The following PHLPP2 variants were observed in gnomAD, a reference collection of about 807,000 sequenced individuals.
PHLPP2 encodes PH domain and leucine rich repeat protein phosphatase 2, also known as PH domain leucine-rich repeat-containing protein phosphatase 2.
PHLPP2 carries 66 observed loss-of-function variants against 124.9 expected under a neutral mutation model. The ratio of observed to expected loss-of-function variants is 0.53; its 90% CI spans 0.43 to 0.65. PHLPP2 has a LOEUF of 0.65. Ranked by LOEUF, PHLPP2 falls within the 30% of genes least tolerant of loss-of-function variation. The pLI is 0.00. For synonymous variants in PHLPP2, 681 were observed against 624.7 expected (o/e 1.09, Z -1.34); for missense variants, 1,685 against 1,600.4 (o/e 1.05, Z -0.90).
At chr16:71,652,063 A>G (rs779731529) in intron 18 of PHLPP2, among the ~76,000 whole-genome samples, 4 of 152,240 alleles carry the variant, frequency 2.6e-5, no homozygotes, top group African/African-American at 9.6e-5. Context: ...AAGCTCTGCA[A>G]AAAAACACTG....
Position 71,681,902 on chromosome 16 carries a change from C to T in PHLPP2, c.739G>A (p.Val247Met), listed in dbSNP as rs936979462. The T allele has an allele frequency of 1.9e-6, 3 of 1,601,480 alleles. No individual in the cohort carries two copies. The highest frequency in any genetic ancestry group is 2.6e-6 in the Non-Finnish European group (3 of 1,173,580). The change falls in exon 6 of 19, where the codon GTG (valine) becomes ATG (methionine). Residue 247 changes from valine (V) to methionine (M), a missense_variant. Physicochemically the swap from Val to Met is conservative, Grantham distance 21. Coordinates refer to ENST00000568954, the MANE Select transcript of PHLPP2 (RefSeq NM_015020.3). ...QRWQRQASKV[V>M]SQRISTVDLS... ...TCCACGGTACTGATTCGCTGGGACA[C>T]CACCTGAATAATGTCAAAGAGAAGA...
Position 71,676,626 on chromosome 16 carries a change from A to T in PHLPP2, c.1292T>A (p.Val431Asp), listed in dbSNP as rs781148079. ...DLRMNHLKTM[V>D]IENLEGNKHI... ...TTTATTTCCCTCCAGATTTTCAATA[A>T]CCATGGTTTTCAAATGGTTCATCCT... Residue 431 changes from valine (V) to aspartate (D), a missense_variant, in exon 9 of 19, where the codon GTT (valine) becomes GAT (aspartate). By Grantham distance (152) the Val-to-Asp change is radical. Coordinates refer to ENST00000568954, the MANE Select transcript of PHLPP2 (RefSeq NM_015020.3). The T allele has an allele frequency of 1.2e-6, 2 of 1,613,548 alleles. No homozygotes were observed. Among genetic ancestry groups the T allele is most frequent in the South Asian group, 2.2e-5 (2 of 91,082 alleles).
chr16:71,649,720 T>C lies in PHLPP2; in HGVS notation c.3142A>G (p.Thr1048Ala), dbSNP rs1220579381. 1 of 1,613,900 alleles carries C rather than the reference T, an allele frequency of 6.2e-7. No homozygotes were observed. The highest frequency in any genetic ancestry group is 1.7e-5 in the Admixed American group (1 of 59,982). Reference protein sequence around the residue: ...EGCTCEMNGLTLPGPVGFAST... With the variant: ...EGCTCEMNGLALPGPVGFAST... ...GCAAATCCCACAGGACCTGGGAGGG[T>C]GAGCCCATTCATTTCACAAGTGCAG... The change falls in exon 19 of 19, where the codon ACC becomes GCC. Residue 1048 changes from threonine to alanine, a missense_variant. Transcript: ENST00000568954.
At chr16:71,672,463 C>A in intron 9 of PHLPP2, 141 bp from the exon 10 acceptor site, 1 of 654,672 alleles carries the variant, frequency 1.5e-6, no homozygotes, top group South Asian at 1.8e-5. Flanking sequence ...ACAAAAACTA[C>A]TGAAAACTCA....
In PHLPP2 at chr16:71,652,841, C is replaced by T; in HGVS notation, c.2766G>A (p.Gln922=). The T allele has an allele frequency of 6.2e-7, 1 of 1,614,180 alleles. No individual in the cohort carries two copies. The highest frequency in any genetic ancestry group is 2.2e-5 in the East Asian group (1 of 44,876). ...TCACCCTTTGAGCCTCCTCTGGGTC[C>T]TGCTCCAGGCTGAAGACTTTAGAGA... ...VPLSKVFSLE[Q]DPEEAQRVKD... Residue 922 remains glutamine, a synonymous_variant, in exon 18 of 19, where the codon CAG becomes CAA. Coordinates refer to ENST00000568954, the MANE Select transcript of PHLPP2 (RefSeq NM_015020.3).
chr16:71,686,771 CTTT>C (rs545788678), intron 4 of PHLPP2, among the ~76,000 whole-genome samples: 1 of 142,786 alleles, frequency 7.0e-6, no homozygotes, highest in Admixed American at 7.0e-5. Flanking sequence ...AGTTCTTTCC[CTTT>C]TTTTTTTTTC....
At chr16:71,663,859 G>A in intron 13 of PHLPP2, 40 bp downstream of exon 13, 2 of 1,414,020 alleles carry the variant, frequency 1.4e-6, no homozygotes, top group Non-Finnish European at 2.0e-6. Context: ...TAGAATTAAT[G>A]TTGTGTATTT....
At chr16:71,667,155 GA>G (rs771395143) in intron 12 of PHLPP2, 22 bp downstream of exon 12, 1 of 1,599,328 alleles carries the variant, frequency 6.3e-7, no homozygotes, top group Middle Eastern at 1.7e-4. Flanking sequence ...CTGCTCTTCC[GA>G]AAAAAATCCT....
chr16:71,713,931 AAAC>A (rs1230745613), intron 2 of PHLPP2, among the ~76,000 whole-genome samples: 21 of 149,774 alleles, frequency 1.4e-4, no homozygotes, highest in East Asian at 5.8e-4. Flanking sequence ...TTCAAAAAAA[AAAC>A]AACAACTTTT....
chr16:71,653,897 T>C (rs374401156), intron 17 of PHLPP2, among the ~76,000 whole-genome samples: 18 of 152,112 alleles, frequency 1.2e-4, no homozygotes, highest in Admixed American at 9.2e-4. Context: ...CCATCCCTAC[T>C]AAAAATACAA....
intron 2 of PHLPP2, among the ~76,000 whole-genome samples, chr16:71,713,556 T>G (rs1434247932): frequency 6.6e-6 from 1 of 152,134 alleles, no homozygotes; most frequent in African/African-American, 2.4e-5. Flanking sequence ...AGCAAAAAAC[T>G]GGTAACAACT....
intron 9 of PHLPP2, among the ~76,000 whole-genome samples, chr16:71,675,616 A>G (rs1282451730): frequency 6.6e-6 from 1 of 152,246 alleles, no homozygotes; most frequent in African/African-American, 2.4e-5. Context: ...AAGAATGTAT[A>G]AACAATATGC....
At chr16:71,708,107 A>G (rs1266965023) in intron 2 of PHLPP2, among the ~76,000 whole-genome samples, 2 of 152,102 alleles carry the variant, frequency 1.3e-5, no homozygotes, top group African/African-American at 4.8e-5. Context: ...CCTGAGAAAC[A>G]TCGCCCATTA....
At chr16:71,669,222 G>C in intron 11 of PHLPP2, 53 bp downstream of exon 11, 3 of 1,238,140 alleles carry the variant, frequency 2.4e-6, no homozygotes, top group Non-Finnish European at 3.5e-6. Flanking sequence ...ATTTAAATAC[G>C]CACACACGTA....
chr16:71,674,708 A>G (rs2044929408), intron 9 of PHLPP2, among the ~76,000 whole-genome samples: 1 of 152,094 alleles, frequency 6.6e-6, no homozygotes, highest in Admixed American at 6.5e-5. Flanking sequence ...TAATAATCCT[A>G]CTTTTAGGCC....
intron 6 of PHLPP2, among the ~76,000 whole-genome samples, chr16:71,680,083 A>C (rs1411388836): frequency 1.4e-5 from 2 of 145,800 alleles, no homozygotes; most frequent in African/African-American, 5.0e-5. Context: ...ACTCTGTCTC[A>C]AAAAAAAAAA....
chr16:71,677,519 A>G (rs914352393), intron 8 of PHLPP2: 1 of 137,298 alleles, frequency 7.3e-6, no homozygotes, highest in Non-Finnish European at 1.6e-5. Flanking sequence ...CAAATTATAG[A>G]AAATGACCTC....
rs566874088 is a variant in PHLPP2 at position 71,650,630 on chromosome 16, A to G, written c.2818-586T>C. On this transcript the variant is annotated intron_variant, in intron 18 of 18. Transcript: ENST00000568954. ...CAAATCAAAATCCCTGTAATTCAAA[A>G]CTTAGAGGAAACAGAGTAACCCTGC... 3.3e-5 allele frequency among the ~76,000 whole-genome samples: 5 copies of G among 152,338 alleles called. 1 individual carries two copies. The South Asian group carries it at 8.3e-4, about 25-fold the overall frequency.
chr16:71,660,912 C>T (rs2044783882), intron 13 of PHLPP2, among the ~76,000 whole-genome samples: 1 of 152,048 alleles, frequency 6.6e-6, no homozygotes, highest in Admixed American at 6.6e-5. Flanking sequence ...TGTGCCTATA[C>T]AATTACAACA....
Sources: allele counts gnomAD v4.1 joint callset (sites outside exome capture counted in the v4.1 genomes callset), GRCh38; gene constraint gnomAD v4.1.1; transcripts MANE v1.5; gene names NCBI Gene and HGNC (gene_info 2026-07-23, HGNC 2026-07-21).